ANKAR: variants seen among roughly 807,000 people sequenced by gnomAD.
The protein encoded by ANKAR is ankyrin and armadillo repeat containing.
In ANKAR, 136 loss-of-function variants were observed where a neutral mutation model predicts 146.2. That is an observed-to-expected ratio of 0.93 (90% CI 0.81 to 1.07). ANKAR has a LOEUF of 1.07. Ranked by LOEUF, ANKAR falls within the 50% of genes least tolerant of loss-of-function variation. ANKAR has a pLI of 0.00. For missense variants in ANKAR, 1,567 were observed against 1,679.9 expected (o/e 0.93, Z 1.18); for synonymous variants, 500 against 575.8 (o/e 0.87, Z 1.88).
rs557547784 is a variant in ANKAR, at chr2:189,712,020, G to A, written c.2224+867G>A. ...GCGCGGCAGTCTGAGATTGACCTGC[G>A]AGGCAGCAGCCTGGCAGGGGGAGGG... On this transcript the variant is annotated intron_variant, in intron 10 of 22. Coordinates refer to ENST00000684021, the MANE Select transcript of ANKAR (RefSeq NM_001378068.1). Among the ~76,000 whole-genome samples the A allele has an allele frequency of 6.6e-5, 10 of 152,312 alleles. No homozygotes were observed. In the South Asian group the frequency reaches 1.9e-3, roughly 28 times the overall value.
At chr2:189,696,438 G>A (rs1200944267) in intron 7 of ANKAR, 69 bp downstream of exon 7, 6 of 1,448,162 alleles carry the variant, frequency 4.1e-6, no homozygotes, top group Admixed American at 4.5e-5. Context: ...AGGAATGCAC[G>A]TTGATTTTAG....
chr2:189,687,267 T>C (rs1180323064), intron 2 of ANKAR, among the ~76,000 whole-genome samples: 3 of 152,164 alleles, frequency 2.0e-5, no homozygotes, highest in Admixed American at 6.5e-5. Flanking sequence ...CATAATGTCC[T>C]CCAGTTTCAT....
intron 16 of ANKAR, among the ~76,000 whole-genome samples, chr2:189,731,868 T>G (rs1057245728): frequency 6.6e-6 from 1 of 151,930 alleles, no homozygotes; most frequent in Admixed American, 6.6e-5. Context: ...GCCTGGCTAA[T>G]TTTTTGTATT....
chr2:189,698,003 A>T (rs1040414994), intron 7 of ANKAR, among the ~76,000 whole-genome samples: 1 of 152,278 alleles, frequency 6.6e-6, no homozygotes, highest in South Asian at 2.1e-4. Flanking sequence ...GTTCTTATTC[A>T]TATGAGTCTT....
rs184867962 is a variant in ANKAR, at chr2:189,684,811, G to C, written c.602-4716G>C. 4.3e-4 allele frequency among the ~76,000 whole-genome samples: 60 copies of C among 139,730 alleles called. No homozygotes were observed. The East Asian group carries it at 9.9e-3, about 23-fold the overall frequency. 91.7% of individuals were successfully genotyped at this position (139,730 alleles called of 152,430 possible). A position where few individuals can be genotyped will look rare whatever the true frequency, so the allele number is the denominator to read the frequency against. ...ATCATACCACTACACTCCAGCCTGGGTGACAGAGACCCTGTCTCAAAAAAA... is the reference window on the plus strand; with the variant it reads ...ATCATACCACTACACTCCAGCCTGGCTGACAGAGACCCTGTCTCAAAAAAA... On this transcript the variant is annotated intron_variant, in intron 2 of 22. Coordinates refer to ENST00000684021, the MANE Select transcript of ANKAR (RefSeq NM_001378068.1).
At chr2:189,692,683 A>G (rs975616071) in intron 4 of ANKAR, 2 of 321,574 alleles carry the variant, frequency 6.2e-6, no homozygotes, top group African/African-American at 4.4e-5. Context: ...CTTCTAATGG[A>G]CTATATTTGT....
chr2:189,700,995 TA>T (rs1292075693), intron 7 of ANKAR, among the ~76,000 whole-genome samples: 1 of 152,228 alleles, frequency 6.6e-6, no homozygotes, highest in Non-Finnish European at 1.5e-5. Flanking sequence ...AGTGCTGCAG[TA>T]AATAGGATTA....
At position 189,727,523 on chromosome 2, in the gene ANKAR, C is replaced by CAAAAA. The variant is rs777516459; in HGVS notation, c.2636-314_2636-310dup. ...TGGGTGATAGAGCCAAACCTTGTCT[C>CAAAAA]AAAAAAAAAAAAAAAAAAAAAAAGG... On this transcript the variant is annotated intron_variant, in intron 12 of 22. Transcript: ENST00000684021. Among the ~76,000 whole-genome samples the CAAAAA allele has an allele frequency of 6.4e-3, 376 of 58,868 alleles. 19 individuals are homozygous for CAAAAA. The highest frequency in any genetic ancestry group is 0.026 in the African/African-American group (355 of 13,440). The allele number at this position is 58,868 out of a possible 152,430, so 38.6% of individuals were successfully genotyped here.
intron 2 of ANKAR, among the ~76,000 whole-genome samples, chr2:189,688,854 T>C (rs1574391725): frequency 6.6e-6 from 1 of 152,200 alleles, no homozygotes. Context: ...GTGTACAGCC[T>C]CTGTAAACAG....
At chr2:189,737,905 A>G (rs2042993480) in intron 18 of ANKAR, 64 bp downstream of exon 18, 3 of 1,433,264 alleles carry the variant, frequency 2.1e-6, no homozygotes. Flanking sequence ...CTTGAAAATT[A>G]CAACAATTTG....
chr2:189,720,781 G>C lies in ANKAR; in HGVS notation c.2629G>C (p.Asp877His). The C allele has an allele frequency of 1.4e-6, 2 of 1,479,204 alleles. No homozygotes were observed. Among genetic ancestry groups the C allele is most frequent in the Non-Finnish European group, 1.8e-6 (2 of 1,119,626 alleles). The allele number at this position is 1,479,204 out of a possible 1,614,324, so 91.6% of individuals were successfully genotyped here. A position where few individuals can be genotyped will look rare whatever the true frequency, so the allele number is the denominator to read the frequency against. ...ATATCTTATCAGATTTCTGAGTTCT[G>C]ATTCAGGTGAGCTTCTATCTCTGTA... ...LPYLIRFLSSDSDVLKAVSSA... is the reference protein window; with the variant it reads ...LPYLIRFLSSHSDVLKAVSSA... The change falls in exon 12 of 23, where the codon GAT becomes CAT. Residue 877 changes from aspartate to histidine, a missense_variant. Transcript: ENST00000684021.
intron 2 of ANKAR, among the ~76,000 whole-genome samples, chr2:189,688,105 T>A (rs972086897): frequency 6.6e-6 from 1 of 152,200 alleles, no homozygotes; most frequent in African/African-American, 2.4e-5. Flanking sequence ...GTCTTAGATT[T>A]AAGTATTTAA....
intron 18 of ANKAR, among the ~76,000 whole-genome samples, chr2:189,760,530 C>T (rs762629133): frequency 1.3e-5 from 2 of 152,284 alleles, no homozygotes; most frequent in Admixed American, 6.5e-5. Context: ...CGGTGTCTCA[C>T]GCCTGTAATC....
chr2:189,719,627 C>G lies in ANKAR; in HGVS notation c.2280C>G (p.Cys760Trp). The G allele has an allele frequency of 1.2e-6, 2 of 1,613,774 alleles. No homozygotes were observed. Among genetic ancestry groups the G allele is most frequent in the South Asian group, 2.2e-5 (2 of 91,052 alleles). The change falls in exon 11 of 23, where the codon TGC becomes TGG. Residue 760 changes from cysteine (C) to tryptophan (W), a missense_variant. Cys to Trp is a radical substitution (Grantham distance 215). Coordinates refer to ENST00000684021, the MANE Select transcript of ANKAR (RefSeq NM_001378068.1). The stretch of plus-strand genomic sequence containing the variant: ...AAAGTTCCAAAATAAAACTGCAGTG[C>G]AAAACTGTTGGGTTATTGAGTAATA... ...LLKSSKIKLQ[C>W]KTVGLLSNIS...
chr2:189,736,084 A>G (rs953224574), intron 17 of ANKAR, among the ~76,000 whole-genome samples: 1 of 152,216 alleles, frequency 6.6e-6, no homozygotes, highest in African/African-American at 2.4e-5. Context: ...TTCCTCAAGC[A>G]TTAATTTTTA....
chr2:189,683,325 G>A (rs2035033903), intron 2 of ANKAR, among the ~76,000 whole-genome samples: 1 of 152,212 alleles, frequency 6.6e-6, no homozygotes, highest in African/African-American at 2.4e-5. Context: ...TGAATGGAGG[G>A]TTAACTCGCT....
intron 7 of ANKAR, among the ~76,000 whole-genome samples, chr2:189,698,446 A>C (rs879913083): frequency 6.6e-6 from 1 of 152,116 alleles, no homozygotes; most frequent in Non-Finnish European, 1.5e-5. Flanking sequence ...GGCAGTAACA[A>C]TCTGTGAGGT....
chr2:189,728,672 T>C lies in ANKAR; in HGVS notation c.3044T>C (p.Val1015Ala), dbSNP rs1559129083. Reference protein sequence around the residue: ...AKMQYVGGEAVIALSKDSRMH... With the variant: ...AKMQYVGGEAAIALSKDSRMH... ...TTTTCTTTATCAGGAGGTGAAGCTGTCATAGCTCTAAGTAAGGACAGCAGG... is the reference window on the plus strand; with the variant it reads ...TTTTCTTTATCAGGAGGTGAAGCTGCCATAGCTCTAAGTAAGGACAGCAGG... Residue 1015 changes from valine (V) to alanine (A), a missense_variant, in exon 15 of 23, where the codon GTC becomes GCC. Physicochemically the swap from Val to Ala is moderately conservative, Grantham distance 64 (BLOSUM62 0). Coordinates refer to ENST00000684021, the MANE Select transcript of ANKAR (RefSeq NM_001378068.1). The C allele has an allele frequency of 1.2e-6, 2 of 1,613,750 alleles. No individual in the cohort carries two copies. The highest frequency in any genetic ancestry group is 1.7e-6 in the Non-Finnish European group (2 of 1,179,792).
At chr2:189,676,303 A>C in intron 1 of ANKAR, 153 bp from the exon 2 acceptor site, 2 of 576,504 alleles carry the variant, frequency 3.5e-6, no homozygotes, top group Non-Finnish European at 5.7e-6. Context: ...CAGTTTTCAT[A>C]TACTGCAGTT....
Sources: gnomAD v4.1 joint callset for allele counts (sites outside exome capture counted in the v4.1 genomes callset) on GRCh38, gnomAD v4.1.1 for gene constraint, MANE v1.5 for transcripts, NCBI Gene and HGNC (gene_info 2026-07-23, HGNC 2026-07-21) for gene names.